TRPM8: variants seen among roughly 807,000 people sequenced by gnomAD.
TRPM8 encodes the protein TRPM8 cationic channel.
In TRPM8, 110 loss-of-function variants were observed where a neutral mutation model predicts 133.7. That is an observed-to-expected ratio of 0.82 (90% CI 0.70 to 0.96). The LOEUF is 0.96. Among genes scored for constraint, TRPM8 ranks in the 40% least tolerant of loss-of-function variants. The probability of loss-of-function intolerance (pLI) is 0.00; values close to 1 mark genes in which losing one functional copy is unlikely to be tolerated. For synonymous variants in TRPM8, 535 were observed against 532.3 expected (o/e 1.01, Z -0.07); for missense variants, 1,291 against 1,379.5 (o/e 0.94, Z 1.02).
rs200514662 is a variant in TRPM8 at position 233,960,887 on chromosome 2, G to T, written c.1474G>T (p.Val492Phe). The T allele has an allele frequency of 1.9e-6, 3 of 1,614,146 alleles. No homozygotes were observed. Among genetic ancestry groups the T allele is most frequent in the Non-Finnish European group, 2.5e-6 (3 of 1,180,046 alleles). The change falls in exon 12 of 26, where the codon GTC becomes TTC. Residue 492 changes from valine to phenylalanine, a missense_variant. Coordinates refer to ENST00000324695, the MANE Select transcript of TRPM8 (RefSeq NM_024080.5). ...LNLRKFLTHD[V>F]LTELFSNHFS... ...CCTACGGAAGTTTCTCACCCATGAT[G>T]TCCTCACTGAACTCTTCTCCAACCA... is the stretch of plus-strand genomic sequence containing the variant.
intron 17 of TRPM8, among the ~76,000 whole-genome samples, chr2:233,977,667 G>A (rs901149908): frequency 2.0e-5 from 3 of 152,166 alleles, no homozygotes; most frequent in Non-Finnish European, 4.4e-5. Flanking sequence ...GGCCTCCCCC[G>A]AGGAGCCTGC....
Position 234,009,661 on chromosome 2 carries a change from CTCTG to C in TRPM8, c.3264+1562_3264+1565del, listed in dbSNP as rs572593302. ...CCCTCCCCTTCTCCCTTTCCCCTTG[CTCTG>C]TCTCTTTTTTTAAAATTTCCCCCTC... On this transcript the variant is annotated intron_variant, in intron 24 of 25. Transcript: ENST00000324695. 2.6e-5 allele frequency among the ~76,000 whole-genome samples: 4 copies of C among 152,248 alleles called. No individual in the cohort carries two copies. In the South Asian group the frequency reaches 6.2e-4, roughly 24 times the overall value.
rs1472348517 is a variant in TRPM8 at position 233,927,921 on chromosome 2, TC to T, written c.117+1268del. Among the ~76,000 whole-genome samples the T allele has an allele frequency of 8.5e-3, 356 of 41,978 alleles. 57 individuals carry two copies. The highest frequency in any genetic ancestry group is 0.066 in the African/African-American group (322 of 4,880). 27.5% of individuals were successfully genotyped at this position (41,978 alleles called of 152,430 possible). A position where few individuals can be genotyped will look rare whatever the true frequency, so the allele number is the denominator to read the frequency against. On this transcript the variant is annotated intron_variant, in intron 2 of 25. Transcript: ENST00000324695. ...TTCTTTCTTTCTTTCTCTCTCTCTC[TC>T]TTTCTCTCTCTCTCTCTCTCTCTCT...
intron 17 of TRPM8, among the ~76,000 whole-genome samples, chr2:233,975,566 G>T (rs1691849050): frequency 6.6e-6 from 1 of 152,228 alleles, no homozygotes; most frequent in South Asian, 2.1e-4. Context: ...TCCAGACGTT[G>T]TTTGACTCCT....
At chr2:234,006,766 T>C (rs768239099) in intron 22 of TRPM8, 87 bp from the exon 23 acceptor site, 1 of 935,620 alleles carries the variant, frequency 1.1e-6, no homozygotes, top group East Asian at 2.7e-5. Context: ...AGTTCTAGAG[T>C]CTCACAAAAT....
intron 8 of TRPM8, among the ~76,000 whole-genome samples, 189 bp from the exon 9 acceptor site, chr2:233,949,760 G>T (rs769797568): frequency 6.6e-6 from 1 of 152,206 alleles, no homozygotes; most frequent in Non-Finnish European, 1.5e-5. Flanking sequence ...TCATAAAGCA[G>T]ATTACATTTC....
In TRPM8 at chr2:234,017,500, G is replaced by A; in HGVS notation, c.*244G>A. The A allele has an allele frequency of 2.6e-6, 1 of 389,294 alleles. No individual in the cohort carries two copies. The highest frequency in any genetic ancestry group is 5.2e-6 in the Non-Finnish European group (1 of 193,460). The allele number at this position is 389,294 out of a possible 1,614,324, so 24.1% of individuals were successfully genotyped here. ...TATGTGTTTCTCCAGAATGGTGCCTGTTTCTCTCTGTGTCTCAATGCCTGG... is the reference window on the plus strand; with the variant it reads ...TATGTGTTTCTCCAGAATGGTGCCTATTTCTCTCTGTGTCTCAATGCCTGG... On this transcript the variant is annotated 3_prime_UTR_variant, in exon 26 of 26. Coordinates refer to ENST00000324695, the MANE Select transcript of TRPM8 (RefSeq NM_024080.5).
At chr2:233,940,914 G>A (rs1260056744) in intron 5 of TRPM8, among the ~76,000 whole-genome samples, 1 of 152,190 alleles carries the variant, frequency 6.6e-6, no homozygotes, top group Non-Finnish European at 1.5e-5. Context: ...AAGGAATGAG[G>A]TAATTGGTGG....
intron 12 of TRPM8, among the ~76,000 whole-genome samples, chr2:233,961,531 C>T (rs565670796): frequency 4.9e-4 from 74 of 152,040 alleles, no homozygotes; most frequent in African/African-American, 1.7e-3. Context: ...GTCTCAAACT[C>T]CTCTCCGCGT....
chr2:233,928,001 G>A (rs541326109), intron 2 of TRPM8, among the ~76,000 whole-genome samples: 10 of 115,442 alleles, frequency 8.7e-5, no homozygotes, highest in Admixed American at 3.3e-4. Flanking sequence ...ACGGAGTCTC[G>A]CTGTATCGCC....
At chr2:234,009,211 C>T (rs1692770368) in intron 24 of TRPM8, among the ~76,000 whole-genome samples, 1 of 152,230 alleles carries the variant, frequency 6.6e-6, no homozygotes, top group Non-Finnish European at 1.5e-5. Context: ...GGAGGAGAGG[C>T]TCCAGCAATC....
intron 17 of TRPM8, among the ~76,000 whole-genome samples, chr2:233,972,681 C>A (rs2125236810): frequency 6.6e-6 from 1 of 152,292 alleles, no homozygotes; most frequent in South Asian, 2.1e-4. Flanking sequence ...TGCTGGGGGA[C>A]CCAGTACACT....
Position 233,960,866 on chromosome 2 carries a change from C to A in TRPM8, c.1453C>A (p.Arg485=), listed in dbSNP as rs111972494. 6.2e-7 allele frequency: 1 copy of A among 1,614,176 alleles called. No individual in the cohort carries two copies. Among genetic ancestry groups the A allele is most frequent in the Non-Finnish European group, 8.5e-7 (1 of 1,180,030 alleles). The stretch of plus-strand genomic sequence containing the variant: ...CTTTCTGGAGAATGGCTTGAACCTA[C>A]GGAAGTTTCTCACCCATGATGTCCT... ...RLFLENGLNL[R]KFLTHDVLTE... is the part of the protein sequence containing the mutation. The change falls in exon 12 of 26, where the codon CGG becomes AGG. Residue 485 remains arginine, a synonymous_variant. Transcript: ENST00000324695.
At chr2:233,977,518 A>C (rs1691899929) in intron 17 of TRPM8, among the ~76,000 whole-genome samples, 1 of 152,180 alleles carries the variant, frequency 6.6e-6, no homozygotes, top group Non-Finnish European at 1.5e-5. Context: ...TGCCTCCCAG[A>C]GCAGGGCATT....
At position 233,960,832 on chromosome 2, in the gene TRPM8, T is replaced by C. The variant is rs769946008; in HGVS notation, c.1419T>C (p.Phe473=). 1 of 1,614,236 alleles carries C rather than the reference T, an allele frequency of 6.2e-7. No homozygotes were observed. The highest frequency in any genetic ancestry group is 8.5e-7 in the Non-Finnish European group (1 of 1,180,032). ...CTCTCATAAAGGACAGACCCAAGTT[T>C]GTCCGCCTCTTTCTGGAGAATGGCT... ...FTALIKDRPK[F]VRLFLENGLN... The change falls in exon 12 of 26, where the codon TTT becomes TTC. Residue 473 remains phenylalanine (F), a synonymous_variant. Coordinates refer to ENST00000324695, the MANE Select transcript of TRPM8 (RefSeq NM_024080.5).
intron 1 of TRPM8, among the ~76,000 whole-genome samples, chr2:233,922,381 T>C (rs1438095063): frequency 6.6e-6 from 1 of 152,196 alleles, no homozygotes; most frequent in Non-Finnish European, 1.5e-5. Context: ...TGGAACAGGC[T>C]TCCCCTGTGG....
chr2:233,978,198 AGTGTGTGTGTGT>A (rs59259744), intron 17 of TRPM8, among the ~76,000 whole-genome samples: 6 of 146,108 alleles, frequency 4.1e-5, no homozygotes, highest in East Asian at 2.0e-4. Flanking sequence ...GGAATATTAT[AGTGTGTGTGTGT>A]GTGTGTGTGT....
chr2:233,951,743 T>A (rs1232321749), intron 9 of TRPM8, among the ~76,000 whole-genome samples: 1 of 152,208 alleles, frequency 6.6e-6, no homozygotes, highest in Non-Finnish European at 1.5e-5. Flanking sequence ...CATGCATCAA[T>A]AATAAAAATT....
At chr2:234,009,279 CA>C (rs1692772604) in intron 24 of TRPM8, among the ~76,000 whole-genome samples, 1 of 152,120 alleles carries the variant, frequency 6.6e-6, no homozygotes, top group Non-Finnish European at 1.5e-5. Flanking sequence ...GTAGAGAAAA[CA>C]GTCTATTTTA....
Sources: allele counts gnomAD v4.1 joint callset (sites outside exome capture counted in the v4.1 genomes callset), GRCh38; gene constraint gnomAD v4.1.1; transcripts MANE v1.5; gene names NCBI Gene and HGNC (gene_info 2026-07-23, HGNC 2026-07-21).